The following MAP7D2 variants were observed in gnomAD, a reference collection of about 807,000 sequenced individuals.
MAP7D2 encodes MAP7 domain containing 2.
MAP7D2 carries 33 observed loss-of-function variants against 63.5 expected under a neutral mutation model. The observed-to-expected ratio is 0.52, with a 90% confidence interval of 0.39 to 0.70. MAP7D2 has a LOEUF of 0.70. Ranked by LOEUF, MAP7D2 falls within the 30% of genes least tolerant of loss-of-function variation. The pLI is 0.00. For missense variants in MAP7D2, 626 were observed against 604.0 expected, an observed-to-expected ratio of 1.04 and a Z score of -0.38; for synonymous variants, 224 against 223.7, an observed-to-expected ratio of 1.00 and a Z score of -0.01.
At chrX:20,060,622 C>T (rs991801213) in intron 3 of MAP7D2, among the ~76,000 whole-genome samples, 12 of 110,990 alleles carry the variant, frequency 1.1e-4, no homozygotes, top group Non-Finnish European at 5.7e-5. Flanking sequence ...TGTTGTCAGC[C>T]CTAACACAGG....
chrX:20,048,860 T>C (rs915275444), intron 6 of MAP7D2, among the ~76,000 whole-genome samples: 1 of 110,108 alleles, frequency 9.1e-6, no homozygotes, highest in African/African-American at 3.3e-5. Context: ...AGTTCGAGGC[T>C]GCAGTGAGCT....
chrX:20,062,797 T>A (rs1385719327), intron 3 of MAP7D2, among the ~76,000 whole-genome samples: 1 of 112,464 alleles, frequency 8.9e-6, no homozygotes, highest in African/African-American at 3.2e-5. Context: ...ATTTCTTTTT[T>A]AAAAGGTAAC....
intron 6 of MAP7D2, among the ~76,000 whole-genome samples, chrX:20,048,570 G>A (rs1270903833): frequency 1.8e-5 from 2 of 110,494 alleles, no homozygotes; most frequent in Non-Finnish European, 3.8e-5. Context: ...CTCAAAATGG[G>A]GTACTTCCTA....
chrX:20,093,600 C>T (rs947045375), intron 1 of MAP7D2, among the ~76,000 whole-genome samples: 1 of 110,294 alleles, frequency 9.1e-6, no homozygotes, highest in African/African-American at 3.3e-5. Context: ...GAGGTTGTAG[C>T]GAGCCATGAT....
chrX:20,097,959 AC>A (rs1327449632), intron 1 of MAP7D2, among the ~76,000 whole-genome samples: 1 of 111,975 alleles, frequency 8.9e-6, no homozygotes, highest in Non-Finnish European at 1.9e-5. Context: ...TAAGTTAGAG[AC>A]AACCTATCTC....
chrX:20,080,066 C>T (rs2065739070), intron 1 of MAP7D2, among the ~76,000 whole-genome samples: 1 of 111,669 alleles, frequency 9.0e-6, no homozygotes, highest in Non-Finnish European at 1.9e-5. Context: ...ACCCTGGATC[C>T]TCATCTGGGA....
chrX:20,034,354 G>A (rs924393256), intron 8 of MAP7D2, among the ~76,000 whole-genome samples: 2 of 110,269 alleles, frequency 1.8e-5, no homozygotes, highest in Non-Finnish European at 3.8e-5. Flanking sequence ...GTGAACAAAG[G>A]GCAAAGTCCT....
chrX:20,096,429 CAA>C (rs775218484), intron 1 of MAP7D2, among the ~76,000 whole-genome samples: 2,026 of 40,032 alleles, frequency 0.051, 29 homozygotes, highest in African/African-American at 0.11. Flanking sequence ...GACCTTGTCT[CAA>C]AAAAAAAAAA....
intron 12 of MAP7D2, 99 bp downstream of exon 12, chrX:20,015,120 CCTAA>C (rs956337686): frequency 3.6e-5 from 21 of 584,832 alleles, no homozygotes; most frequent in Admixed American, 2.0e-4. Context: ...ATGAACTTGA[CCTAA>C]CTGACAATCC....
intron 1 of MAP7D2, among the ~76,000 whole-genome samples, chrX:20,080,655 G>A (rs1476644287): frequency 9.0e-6 from 1 of 111,289 alleles, no homozygotes; most frequent in Non-Finnish European, 1.9e-5. Flanking sequence ...CCCCCAGCAA[G>A]TACAGAGAGG....
intron 10 of MAP7D2, among the ~76,000 whole-genome samples, chrX:20,023,628 A>G (rs2073734531): frequency 8.9e-6 from 1 of 112,273 alleles, no homozygotes; most frequent in African/African-American, 3.2e-5. Flanking sequence ...TGGGAGATAC[A>G]GACGGTGGTA....
chrX:20,069,859 G>A (rs1295331796), intron 1 of MAP7D2, among the ~76,000 whole-genome samples: 1 of 103,778 alleles, frequency 9.6e-6, no homozygotes, highest in South Asian at 4.4e-4. Flanking sequence ...CTGCAGCCTC[G>A]AACTCCTGGG....
At chrX:20,056,266 T>C (rs750226786) in intron 4 of MAP7D2, among the ~76,000 whole-genome samples, 15 of 111,852 alleles carry the variant, frequency 1.3e-4, no homozygotes, top group African/African-American at 4.9e-4. Context: ...CAGCAGGAAA[T>C]AGTCCAGCCC....
At chrX:20,075,693 T>C (rs761500751) in intron 1 of MAP7D2, among the ~76,000 whole-genome samples, 4 of 112,072 alleles carry the variant, frequency 3.6e-5, no homozygotes, top group African/African-American at 1.3e-4. Flanking sequence ...TAGTCTCCAG[T>C]AAATGTACAA....
intron 9 of MAP7D2, 80 bp from the exon 10 acceptor site, chrX:20,025,163 T>C (rs1249615616): frequency 3.7e-6 from 4 of 1,091,397 alleles, no homozygotes; most frequent in Admixed American, 2.8e-5. Flanking sequence ...CAGCTGCCAG[T>C]TGGAAGTGAA....
chrX:20,064,128 G>C (rs950539531), intron 2 of MAP7D2, among the ~76,000 whole-genome samples: 1 of 111,754 alleles, frequency 8.9e-6, no homozygotes, highest in African/African-American at 3.3e-5. Context: ...GCAGGGAAGG[G>C]TTCCCTGGAG....
chrX:20,070,364 C>T (rs2148407948), intron 1 of MAP7D2, among the ~76,000 whole-genome samples: 1 of 109,927 alleles, frequency 9.1e-6, no homozygotes, highest in Admixed American at 9.8e-5. Context: ...CTCAAGTGGT[C>T]CTCCTGCCTC....
chrX:20,049,245 C>T (rs1297723412), intron 6 of MAP7D2, among the ~76,000 whole-genome samples: 1 of 106,053 alleles, frequency 9.4e-6, no homozygotes, highest in East Asian at 2.9e-4. Context: ...TTTCAAGGTT[C>T]ATCCATCTTG....
intron 10 of MAP7D2, among the ~76,000 whole-genome samples, chrX:20,019,705 T>TTGATCTGATC (rs200858438): frequency 8.9e-6 from 1 of 112,202 alleles, no homozygotes; most frequent in African/African-American, 3.3e-5. Flanking sequence ...TTAATCTTCT[T>TTGATCTGATC]TGATCTGATC....
Sources: gnomAD v4.1 joint callset for allele counts (sites outside exome capture counted in the v4.1 genomes callset) on GRCh38, gnomAD v4.1.1 for gene constraint, MANE v1.5 for transcripts, NCBI Gene and HGNC (gene_info 2026-07-23, HGNC 2026-07-21) for gene names.